The following MED27 variants were observed in gnomAD, a reference collection of about 807,000 sequenced individuals.
The protein encoded by MED27 is mediator complex subunit 27.
A neutral mutation model predicts 38.2 loss-of-function variants in MED27; 30 were observed. The ratio of observed to expected loss-of-function variants is 0.79; its 90% CI spans 0.59 to 1.07. The LOEUF (loss-of-function observed/expected upper bound fraction) is 1.07, where lower values mean the gene tolerates loss of function less well. Ranked by LOEUF, MED27 falls within the 50% of genes least tolerant of loss-of-function variation. The pLI, the probability that MED27 is intolerant of heterozygous loss-of-function variation, is 0.00. For synonymous variants in MED27, 122 were observed against 153.5 expected, an observed-to-expected ratio of 0.79 and a Z score of 1.52; for missense variants, 289 against 397.5, an observed-to-expected ratio of 0.73 and a Z score of 2.32.
At chr9:132,042,486 T>C (rs773265454) in intron 2 of MED27, among the ~76,000 whole-genome samples, 3 of 152,144 alleles carry the variant, frequency 2.0e-5, no homozygotes, top group Middle Eastern at 3.2e-3. Context: ...ATAACCACAA[T>C]GCCATACTGC....
chr9:131,965,725 T>C (rs759572052), intron 3 of MED27, among the ~76,000 whole-genome samples: 1 of 152,096 alleles, frequency 6.6e-6, no homozygotes, highest in Admixed American at 6.5e-5. Context: ...ATACCTTATG[T>C]TGCAAGGCAT....
intron 3 of MED27, among the ~76,000 whole-genome samples, chr9:131,973,951 G>A (rs1011279722): frequency 1.3e-5 from 2 of 151,424 alleles, no homozygotes; most frequent in Non-Finnish European, 2.9e-5. Context: ...CTGACCTAGT[G>A]ATCCACCCGC....
At chr9:132,062,568 A>G (rs1385743859) in intron 2 of MED27, among the ~76,000 whole-genome samples, 1 of 152,020 alleles carries the variant, frequency 6.6e-6, no homozygotes, top group African/African-American at 2.4e-5. Context: ...AACGAGCTAC[A>G]TTATGGAGAC....
intron 3 of MED27, among the ~76,000 whole-genome samples, chr9:131,952,225 C>T (rs1831012310): frequency 6.6e-6 from 1 of 152,210 alleles, no homozygotes; most frequent in Admixed American, 6.5e-5. Context: ...GCCAAGGGTC[C>T]TTGTCCTTGA....
At chr9:131,954,301 G>A (rs1165768113) in intron 3 of MED27, among the ~76,000 whole-genome samples, 1 of 152,088 alleles carries the variant, frequency 6.6e-6, no homozygotes, top group East Asian at 1.9e-4. Context: ...CAGGAGGAGG[G>A]CCTCCTTGAT....
intron 2 of MED27, among the ~76,000 whole-genome samples, chr9:132,035,709 C>A (rs1435529216): frequency 1.3e-5 from 2 of 152,176 alleles, no homozygotes; most frequent in Admixed American, 6.5e-5. Flanking sequence ...ATGCCTGTCA[C>A]CCCGGCACTT....
intron 4 of MED27, among the ~76,000 whole-genome samples, chr9:131,908,161 G>T (rs1362554783): frequency 7.0e-6 from 1 of 143,176 alleles, no homozygotes; most frequent in African/African-American, 2.6e-5. Flanking sequence ...CAGCCGCCCC[G>T]TCCAGGAGGT....
At chr9:131,926,019 G>A (rs1395820832) in intron 4 of MED27, among the ~76,000 whole-genome samples, 1 of 152,232 alleles carries the variant, frequency 6.6e-6, no homozygotes, top group African/African-American at 2.4e-5. Context: ...CAGCCTGTGA[G>A]GCCCAGACTG....
intron 2 of MED27, among the ~76,000 whole-genome samples, chr9:132,057,432 C>T (rs758512382): frequency 1.3e-5 from 2 of 152,206 alleles, no homozygotes; most frequent in African/African-American, 4.8e-5. Context: ...TGGAGGCAGC[C>T]GCGGCAAAGG....
At chr9:131,961,574 T>C (rs1475481533) in intron 3 of MED27, among the ~76,000 whole-genome samples, 1 of 152,204 alleles carries the variant, frequency 6.6e-6, no homozygotes, top group African/African-American at 2.4e-5. Flanking sequence ...TGGGAAATAG[T>C]GTTTTTCCAG....
At chr9:131,879,721 C>T (rs906604662) in intron 6 of MED27, among the ~76,000 whole-genome samples, 1 of 152,218 alleles carries the variant, frequency 6.6e-6, no homozygotes, top group Non-Finnish European at 1.5e-5. Flanking sequence ...GAACGAACCC[C>T]ACCCTCGCCA....
chr9:131,994,871 AG>A (rs1832057965), intron 3 of MED27, among the ~76,000 whole-genome samples: 1 of 152,082 alleles, frequency 6.6e-6, no homozygotes, highest in African/African-American at 2.4e-5. Context: ...GAGCATACGG[AG>A]GAAGGGGGAA....
intron 2 of MED27, among the ~76,000 whole-genome samples, chr9:132,073,008 T>C (rs1341806073): frequency 1.3e-5 from 2 of 152,088 alleles, no homozygotes; most frequent in Non-Finnish European, 2.9e-5. Flanking sequence ...ACAGAACACC[T>C]GACATCAGGT....
chr9:131,959,561 C>G (rs147791793), intron 3 of MED27, among the ~76,000 whole-genome samples: 1 of 152,182 alleles, frequency 6.6e-6, no homozygotes, highest in African/African-American at 2.4e-5. Context: ...CCTCTGGCTT[C>G]GGTTTCCTCT....
intron 4 of MED27, among the ~76,000 whole-genome samples, chr9:131,895,191 G>A (rs1217184307): frequency 3.3e-5 from 5 of 152,190 alleles, no homozygotes; most frequent in African/African-American, 1.2e-4. Flanking sequence ...GGATGAAGAC[G>A]AGGGGCTCAC....
intron 3 of MED27, among the ~76,000 whole-genome samples, chr9:131,991,586 T>C (rs904504895): frequency 3.9e-5 from 6 of 152,190 alleles, no homozygotes; most frequent in Non-Finnish European, 8.8e-5. Flanking sequence ...CATACATAAA[T>C]AAACAATTTT....
intron 2 of MED27, among the ~76,000 whole-genome samples, chr9:132,055,766 C>T (rs1173286663): frequency 1.3e-5 from 2 of 152,208 alleles, no homozygotes; most frequent in Non-Finnish European, 2.9e-5. Context: ...ACAGATAACA[C>T]AAAAGCCTCA....
chr9:132,058,194 G>A (rs545127153), intron 2 of MED27, among the ~76,000 whole-genome samples: 5 of 152,120 alleles, frequency 3.3e-5, no homozygotes, highest in Non-Finnish European at 7.3e-5. Context: ...CAATCTTTTT[G>A]TGCATAATCT....
chr9:131,997,171 G>C lies in MED27; in HGVS notation c.479+17166C>G, dbSNP rs1832109312. On this transcript the variant is annotated intron_variant, in intron 3 of 7. Transcript: ENST00000292035. This position sits in a 1 kb window ranked among gnomAD's most constrained non-coding sequence, Gnocchi z 4.0. Reference sequence around the variant, plus strand: ...TCATGTTGAAAGGTTGTACAAATCTGCCGCTTCCGGAGAATAAAGAATTAA... The same window carrying C: ...TCATGTTGAAAGGTTGTACAAATCTCCCGCTTCCGGAGAATAAAGAATTAA... Among the ~76,000 whole-genome samples the C allele has an allele frequency of 6.6e-6, 1 of 151,930 alleles. No individual in the cohort carries two copies. Among genetic ancestry groups the C allele is most frequent in the African/African-American group, 2.4e-5 (1 of 41,340 alleles).
Sources: gnomAD v4.1 joint callset for allele counts (sites outside exome capture counted in the v4.1 genomes callset) on GRCh38, gnomAD v4.1.1 for gene constraint, Gnocchi (gnomAD v3.1) non-coding constraint, MANE v1.5 for transcripts, NCBI Gene and HGNC (gene_info 2026-07-23, HGNC 2026-07-21) for gene names.